Variants in ARB2A observed in about 807,000 individuals in gnomAD.
ARB2A encodes the protein ARB2 cotranscriptional regulator A.
At chr5:93,865,076 T>C in the ARB2A span, among the ~76,000 whole-genome samples, 1 of 152,162 alleles carries the variant, frequency 6.6e-6, no homozygotes, top group African/African-American at 2.4e-5. Context: ...TCTTGATGTA[T>C]CATCCTGGCT....
chr5:93,955,836 C>T, the ARB2A span, among the ~76,000 whole-genome samples: 1 of 152,136 alleles, frequency 6.6e-6, no homozygotes, highest in African/African-American at 2.4e-5. Flanking sequence ...GCCTGGACCA[C>T]GTCAACATCT....
the ARB2A span, chr5:93,620,716 G>A: frequency 3.0e-6 from 1 of 331,970 alleles, no homozygotes; most frequent in Non-Finnish European, 5.4e-6. Flanking sequence ...GGCCGAGCCA[G>A]GCAGGGCGCT....
the ARB2A span, among the ~76,000 whole-genome samples, chr5:93,630,548 C>T: frequency 1.3e-5 from 2 of 152,178 alleles, no homozygotes; most frequent in African/African-American, 4.8e-5. Context: ...ACAACCTATC[C>T]TTTCCTCTAG....
chr5:93,706,583 G>A, the ARB2A span, among the ~76,000 whole-genome samples: 3 of 152,162 alleles, frequency 2.0e-5, no homozygotes, highest in Non-Finnish European at 4.4e-5. Flanking sequence ...ATTGTGGCCA[G>A]GAGGCCGGGC....
the ARB2A span, among the ~76,000 whole-genome samples, chr5:93,829,667 T>C: frequency 6.6e-6 from 1 of 152,174 alleles, no homozygotes; most frequent in Admixed American, 6.6e-5. Context: ...AGTCATATAT[T>C]AAAATACAAA....
the ARB2A span, among the ~76,000 whole-genome samples, chr5:93,831,196 A>C: frequency 6.6e-6 from 1 of 150,642 alleles, no homozygotes; most frequent in Non-Finnish European, 1.5e-5. Flanking sequence ...ACTGGTACCC[A>C]TCTGTGACCC....
At chr5:93,825,482 C>T in the ARB2A span, among the ~76,000 whole-genome samples, 1 of 152,066 alleles carries the variant, frequency 6.6e-6, no homozygotes, top group African/African-American at 2.4e-5. Flanking sequence ...ATTCTTCCAC[C>T]CAAGCTTCAC....
chr5:93,713,066 T>G, the ARB2A span, among the ~76,000 whole-genome samples: 13 of 152,212 alleles, frequency 8.5e-5, no homozygotes, highest in African/African-American at 2.9e-4. Context: ...CAAAATGGAT[T>G]AAAGATTTAA....
At chr5:93,736,509 G>A in the ARB2A span, 8 of 152,202 alleles carry the variant, frequency 5.3e-5, no homozygotes, top group East Asian at 1.9e-4. Context: ...TCATCACCCC[G>A]GGTGAGTCAT....
the ARB2A span, among the ~76,000 whole-genome samples, chr5:93,921,052 C>T: frequency 6.7e-6 from 1 of 148,598 alleles, no homozygotes; most frequent in Non-Finnish European, 1.5e-5. Flanking sequence ...AAAGTCATGA[C>T]ATTACAAGAA....
the ARB2A span, among the ~76,000 whole-genome samples, chr5:93,700,911 T>TA: frequency 4.6e-5 from 7 of 152,168 alleles, no homozygotes; most frequent in East Asian, 9.6e-4. Flanking sequence ...CTCTGAGAGA[T>TA]AAAAAATTCA....
At chr5:94,050,758 G>C in the ARB2A span, 1 of 1,611,674 alleles carries the variant, frequency 6.2e-7, no homozygotes, top group Non-Finnish European at 8.5e-7. Flanking sequence ...ATCTTTTCTG[G>C]TTCCATCTGT....
chr5:93,743,396 T>C, the ARB2A span: 2 of 206,260 alleles, frequency 9.7e-6, no homozygotes, highest in African/African-American at 4.7e-5. Flanking sequence ...AGTGAATCTC[T>C]GTAGCATTAA....
chr5:93,903,555 T>C, the ARB2A span, among the ~76,000 whole-genome samples: 3 of 151,986 alleles, frequency 2.0e-5, no homozygotes, highest in African/African-American at 7.2e-5. Flanking sequence ...TCAGTAAATA[T>C]GGTGGTCAAT....
the ARB2A span, among the ~76,000 whole-genome samples, chr5:94,078,592 G>C: frequency 3.3e-5 from 5 of 152,230 alleles, no homozygotes; most frequent in African/African-American, 1.2e-4. Flanking sequence ...AGGGCCCCTG[G>C]TGCGTAGAAA....
the ARB2A span, among the ~76,000 whole-genome samples, chr5:94,082,539 A>G: frequency 2.6e-5 from 4 of 152,194 alleles, no homozygotes; most frequent in Non-Finnish European, 5.9e-5. Flanking sequence ...TGTGCAGATC[A>G]TAATTGTACT....
the ARB2A span, among the ~76,000 whole-genome samples, chr5:93,852,449 T>C: frequency 3.9e-5 from 6 of 152,238 alleles, no homozygotes; most frequent in Non-Finnish European, 7.3e-5. Flanking sequence ...GCAGAAGCTC[T>C]TTAGTTTCAC....
At chr5:93,622,590 CTCTT>C in the ARB2A span, among the ~76,000 whole-genome samples, 1 of 152,214 alleles carries the variant, frequency 6.6e-6, no homozygotes, top group Non-Finnish European at 1.5e-5. Context: ...GAACCCCTCT[CTCTT>C]TATCAGTGCC....
the ARB2A span, chr5:93,964,386 T>G: frequency 8.5e-7 from 1 of 1,171,032 alleles, no homozygotes. Context: ...AGTTTTCTTC[T>G]GAATTAAAAA....
Sources: allele counts gnomAD v4.1 joint callset (sites outside exome capture counted in the v4.1 genomes callset), GRCh38; gene constraint gnomAD v4.1.1; transcripts MANE v1.5; gene names NCBI Gene and HGNC (gene_info 2026-07-23, HGNC 2026-07-21).